The following CHRDL1 variants were observed in gnomAD, a reference collection of about 807,000 sequenced individuals.
CHRDL1 encodes chordin like 1, also known as chordin-like protein 1.
Under a neutral mutation model 40.9 loss-of-function variants are expected in CHRDL1, and 19 were observed. The observed-to-expected ratio is 0.46, with a 90% CI of 0.32 to 0.68. The LOEUF is 0.68. Ranked by LOEUF, CHRDL1 falls within the 30% of genes least tolerant of loss-of-function variation. The pLI, the probability that CHRDL1 is intolerant of heterozygous loss-of-function variation, is 0.03. For missense variants in CHRDL1, 329 were observed against 352.1 expected, an observed-to-expected ratio of 0.93 and a Z score of 0.53; for synonymous variants, 136 against 123.4, an observed-to-expected ratio of 1.10 and a Z score of -0.68.
intron 2 of CHRDL1, among the ~76,000 whole-genome samples, chrX:110,781,974 T>A (rs1410307482): frequency 2.7e-5 from 3 of 111,900 alleles, no homozygotes; most frequent in Non-Finnish European, 3.8e-5. Context: ...GCCAATAGAT[T>A]ACATTTTCCC....
intron 4 of CHRDL1, among the ~76,000 whole-genome samples, chrX:110,733,773 T>C (rs906877984): frequency 4.4e-4 from 48 of 109,279 alleles, no homozygotes; most frequent in African/African-American, 1.5e-3. Flanking sequence ...CCTGGTGTAG[T>C]GGCAGGTGCC....
At chrX:110,693,841 C>T in intron 8 of CHRDL1, among the ~76,000 whole-genome samples, 1 of 111,199 alleles carries the variant, frequency 9.0e-6, no homozygotes, top group Non-Finnish European at 1.9e-5. Context: ...TGTTGGGTCC[C>T]CTACTAAAAC....
chrX:110,727,814 C>T (rs2071084799), intron 4 of CHRDL1, among the ~76,000 whole-genome samples: 1 of 111,734 alleles, frequency 8.9e-6, no homozygotes, highest in Admixed American at 9.5e-5. Flanking sequence ...ATATATTTGA[C>T]CCAACAATCC....
intron 9 of CHRDL1, among the ~76,000 whole-genome samples, chrX:110,685,825 T>C: frequency 9.0e-6 from 1 of 110,662 alleles, no homozygotes; most frequent in African/African-American, 3.3e-5. Flanking sequence ...CTTATTTGTA[T>C]ATCTTTGTGC....
intron 2 of CHRDL1, among the ~76,000 whole-genome samples, chrX:110,768,091 G>A (rs1475123964): frequency 2.7e-5 from 3 of 111,765 alleles, no homozygotes; most frequent in African/African-American, 9.7e-5. Context: ...CCCTTTCTTT[G>A]GAAATGCAAG....
At chrX:110,766,978 A>G (rs1241946348) in intron 2 of CHRDL1, among the ~76,000 whole-genome samples, 1 of 112,247 alleles carries the variant, frequency 8.9e-6, no homozygotes, top group Non-Finnish European at 1.9e-5. Context: ...AACCTATCAA[A>G]AAGACAATCC....
chrX:110,777,476 A>T (rs998698649), intron 2 of CHRDL1, among the ~76,000 whole-genome samples: 1 of 111,889 alleles, frequency 8.9e-6, no homozygotes, highest in African/African-American at 3.2e-5. Context: ...CAATGATTGA[A>T]AATTCCTGTT....
intron 6 of CHRDL1, among the ~76,000 whole-genome samples, chrX:110,714,110 T>A (rs1039247135): frequency 9.0e-6 from 1 of 110,923 alleles, no homozygotes; most frequent in African/African-American, 3.3e-5. Context: ...ATAGGTAAAC[T>A]CCTGTCATGA....
chrX:110,679,044 T>C (rs1342410400), intron 11 of CHRDL1, among the ~76,000 whole-genome samples: 3 of 111,757 alleles, frequency 2.7e-5, no homozygotes, highest in Non-Finnish European at 5.6e-5. Flanking sequence ...TCCAACCCTC[T>C]TGAGACTCTG....
intron 4 of CHRDL1, among the ~76,000 whole-genome samples, chrX:110,748,853 G>A (rs1256846142): frequency 8.9e-6 from 1 of 112,255 alleles, no homozygotes; most frequent in Non-Finnish European, 1.9e-5. Flanking sequence ...ATTCAGTTTG[G>A]GGAGATGAAA....
At chrX:110,749,400 C>A (rs1387126934) in intron 4 of CHRDL1, among the ~76,000 whole-genome samples, 3 of 112,062 alleles carry the variant, frequency 2.7e-5, no homozygotes, top group African/African-American at 9.7e-5. Flanking sequence ...CTGCAGACAG[C>A]TTTGATTTAG....
rs867984698 is a variant in CHRDL1 at position 110,689,536 on chromosome X, C to A, written c.779-733G>T. 6.3e-4 allele frequency among the ~76,000 whole-genome samples: 28 copies of A among 44,308 alleles called. 2 individuals carry two copies. Among genetic ancestry groups the A allele is most frequent in the Non-Finnish European group, 8.7e-4 (26 of 29,784 alleles). The allele number at this position is 44,308 out of a possible 115,157, so 38.5% of individuals were successfully genotyped here. A position where few individuals can be genotyped will look rare whatever the true frequency, so the allele number is the denominator to read the frequency against. On this transcript the variant is annotated intron_variant, in intron 8 of 11. Transcript: ENST00000372042. ...TATCTCTATATATCTATCTATATATCTCTATATCTCTATATATCTATATAT... is the reference window on the plus strand; with the variant it reads ...TATCTCTATATATCTATCTATATATATCTATATCTCTATATATCTATATAT...
At chrX:110,698,167 C>T (rs939774721) in intron 7 of CHRDL1, among the ~76,000 whole-genome samples, 7 of 111,226 alleles carry the variant, frequency 6.3e-5, no homozygotes, top group Non-Finnish European at 1.3e-4. Flanking sequence ...GTTAGGGCTG[C>T]CTTTTCTTCT....
intron 7 of CHRDL1, among the ~76,000 whole-genome samples, chrX:110,699,614 G>A (rs1047176798): frequency 1.8e-5 from 2 of 112,298 alleles, no homozygotes; most frequent in African/African-American, 6.5e-5. Flanking sequence ...GTTGGTATGT[G>A]ACCTTCCAGA....
intron 3 of CHRDL1, 29 bp downstream of exon 3, chrX:110,762,666 G>A: frequency 1.1e-6 from 1 of 876,729 alleles, no homozygotes; most frequent in South Asian, 2.1e-5. Flanking sequence ...GGAGCAAACT[G>A]GGAAATCACA....
intron 6 of CHRDL1, among the ~76,000 whole-genome samples, chrX:110,710,433 A>G (rs1365045068): frequency 1.8e-5 from 2 of 111,967 alleles, no homozygotes; most frequent in Non-Finnish European, 3.8e-5. Flanking sequence ...ATTCATATAC[A>G]CACAAAAAAG....
chrX:110,769,496 T>C lies in CHRDL1; in HGVS notation c.95-6689A>G, dbSNP rs867327144. Reference sequence around the variant, plus strand: ...TAGAAAAACAATCTAAGTACAGAAATAGGCAAGTCAGAAAAGAAGAAATTG... The same window carrying C: ...TAGAAAAACAATCTAAGTACAGAAACAGGCAAGTCAGAAAAGAAGAAATTG... On this transcript the variant is annotated intron_variant, in intron 2 of 11. Transcript: ENST00000372042. Among the ~76,000 whole-genome samples, 12 of 112,401 alleles carry C rather than the reference T, an allele frequency of 1.1e-4. 1 individual carries two copies. The highest frequency in any genetic ancestry group is 9.3e-3 in the Middle Eastern group (2 of 216).
At chrX:110,733,897 G>T (rs976108040) in intron 4 of CHRDL1, among the ~76,000 whole-genome samples, 1 of 85,037 alleles carries the variant, frequency 1.2e-5, no homozygotes, top group Non-Finnish European at 2.1e-5. Context: ...GCTGTAGATC[G>T]CACAGCCTGG....
intron 9 of CHRDL1, among the ~76,000 whole-genome samples, chrX:110,682,371 C>A (rs2069919896): frequency 1.8e-5 from 2 of 112,022 alleles, no homozygotes; most frequent in Admixed American, 1.9e-4. Context: ...AATGTGTAAA[C>A]TAAACTGTTG....
Sources: allele counts gnomAD v4.1 joint callset (sites outside exome capture counted in the v4.1 genomes callset), GRCh38; gene constraint gnomAD v4.1.1; transcripts MANE v1.5; gene names NCBI Gene and HGNC (gene_info 2026-07-23, HGNC 2026-07-21).